FBXW7: variants seen among roughly 807,000 people sequenced by gnomAD.
The protein encoded by FBXW7 is F-box/WD repeat-containing protein 7.
A neutral mutation model predicts 86.3 loss-of-function variants in FBXW7; 11 were observed. The observed-to-expected ratio is 0.13, with a 90% CI of 0.08 to 0.21. The LOEUF is 0.21. FBXW7 is among the 10% of genes least tolerant of loss of function. The pLI is 1.00. For synonymous variants in FBXW7, 313 were observed against 297.9 expected (o/e 1.05, Z -0.52); for missense variants, 488 against 847.4 (o/e 0.58, Z 5.27).
At chr4:152,401,743 G>A (rs968243072) in intron 4 of FBXW7, among the ~76,000 whole-genome samples, 2 of 152,184 alleles carry the variant, frequency 1.3e-5, no homozygotes, top group African/African-American at 4.8e-5. Context: ...TACTACTCTG[G>A]TAAGGGTGAA....
intron 12 of FBXW7, 188 bp from the exon 13 acceptor site, chr4:152,324,582 T>C: frequency 1.8e-6 from 1 of 551,850 alleles, no homozygotes; most frequent in Non-Finnish European, 3.2e-6. Context: ...ATGTATGTTC[T>C]CACACACTTC....
At chr4:152,440,225 A>G (rs1298757060) in intron 2 of FBXW7, among the ~76,000 whole-genome samples, 1 of 152,200 alleles carries the variant, frequency 6.6e-6, no homozygotes, top group Non-Finnish European at 1.5e-5. Flanking sequence ...TAATTTTATA[A>G]TAATGCCACA....
At chr4:152,476,433 A>G (rs1744411900) in intron 2 of FBXW7, among the ~76,000 whole-genome samples, 1 of 152,178 alleles carries the variant, frequency 6.6e-6, no homozygotes. Context: ...AAAAGTTCCT[A>G]AGACAATTCA....
At chr4:152,505,174 AG>A (rs1747296861) in intron 2 of FBXW7, among the ~76,000 whole-genome samples, 1 of 152,218 alleles carries the variant, frequency 6.6e-6, no homozygotes, top group South Asian at 2.1e-4. Flanking sequence ...ATTAAAAATA[AG>A]GTATATAAAA....
chr4:152,533,995 C>T (rs1259912994), intron 2 of FBXW7, among the ~76,000 whole-genome samples: 1 of 152,166 alleles, frequency 6.6e-6, no homozygotes. Context: ...TGTCTTCTTA[C>T]ATAAAATTCT....
chr4:152,330,711 C>T lies in FBXW7; in HGVS notation c.1122+21G>A, dbSNP rs201829245. ...TAACACTGATTAACGGTTTCTGTTA[C>T]ATTGTGCAGAGTTCAGTTACCTTAG... is the stretch of plus-strand genomic sequence containing the variant. On this transcript the variant is annotated intron_variant, in intron 9 of 13. Coordinates refer to ENST00000281708, the MANE Select transcript of FBXW7 (RefSeq NM_001349798.2). 137 of 1,606,414 alleles carry T rather than the reference C, an allele frequency of 8.5e-5. 2 individuals carry two copies. The East Asian group carries it at 1.9e-3, about 23-fold the overall frequency.
chr4:152,439,993 A>C (rs1740743201), intron 2 of FBXW7, among the ~76,000 whole-genome samples: 1 of 152,194 alleles, frequency 6.6e-6, no homozygotes, highest in African/African-American at 2.4e-5. Flanking sequence ...ATTGCTACTA[A>C]ACACTTAAAA....
In FBXW7 at chr4:152,321,551, T is replaced by C. The variant is rs1225193800; in HGVS notation, c.*1330A>G. ...AGAATGAGGCAAACCATTTGACTGT[T>C]TCATTCATTTTGTTTGTTTGCATGT... On this transcript the variant is annotated 3_prime_UTR_variant, in exon 14 of 14. Transcript: ENST00000281708. 4.3e-6 allele frequency: 1 copy of C among 233,076 alleles called. No homozygotes were observed. The highest frequency in any genetic ancestry group is 8.5e-6 in the Non-Finnish European group (1 of 117,744). The allele number at this position is 233,076 out of a possible 1,614,324, so 14.4% of individuals were successfully genotyped here. A position where few individuals can be genotyped will look rare whatever the true frequency, so the allele number is the denominator to read the frequency against.
At chr4:152,359,411 G>C (rs1468052676) in intron 4 of FBXW7, among the ~76,000 whole-genome samples, 1 of 151,926 alleles carries the variant, frequency 6.6e-6, no homozygotes, top group Non-Finnish European at 1.5e-5. Flanking sequence ...GACCAGCCTG[G>C]GCAATATAGC....
intron 2 of FBXW7, among the ~76,000 whole-genome samples, chr4:152,517,756 C>T (rs1436037446): frequency 6.6e-6 from 1 of 152,098 alleles, no homozygotes; most frequent in Non-Finnish European, 1.5e-5. Context: ...ACTCAAATAC[C>T]GATATCGATA....
chr4:152,456,993 A>C (rs914052188), intron 2 of FBXW7, among the ~76,000 whole-genome samples: 1 of 152,356 alleles, frequency 6.6e-6, no homozygotes. Context: ...AATGGGCAAA[A>C]AATAAATTGT....
intron 6 of FBXW7, 138 bp downstream of exon 6, chr4:152,346,792 T>C (rs1731306692): frequency 8.3e-7 from 1 of 1,211,642 alleles, no homozygotes; most frequent in East Asian, 2.5e-5. Context: ...TCTGGCTTCT[T>C]TCACTTGGCA....
At chr4:152,411,090 CT>C in intron 4 of FBXW7, 1 of 829,354 alleles carries the variant, frequency 1.2e-6, no homozygotes. Context: ...GGCTCAATTA[CT>C]TTCCCTCCAT....
chr4:152,348,787 C>G (rs1731515556), intron 5 of FBXW7: 1 of 795,040 alleles, frequency 1.3e-6, no homozygotes. Flanking sequence ...TTTATCATGA[C>G]TAGAAGGGAA....
chr4:152,338,013 C>G (rs1418896627), intron 6 of FBXW7, 77 bp from the exon 7 acceptor site: 18 of 1,424,610 alleles, frequency 1.3e-5, no homozygotes, highest in Non-Finnish European at 1.6e-5. Flanking sequence ...AAACTCACAT[C>G]TACACACAAC....
intron 2 of FBXW7, among the ~76,000 whole-genome samples, chr4:152,524,491 T>C (rs746498003): frequency 9.2e-5 from 14 of 152,206 alleles, no homozygotes; most frequent in Non-Finnish European, 1.3e-4. Context: ...AAACCTTCAA[T>C]GGTTTAAAGA....
chr4:152,532,031 T>C (rs1334326114), intron 2 of FBXW7, among the ~76,000 whole-genome samples: 1 of 152,168 alleles, frequency 6.6e-6, no homozygotes, highest in Non-Finnish European at 1.5e-5. Context: ...ATTCAGATTT[T>C]CCCCCTAACT....
intron 4 of FBXW7, among the ~76,000 whole-genome samples, chr4:152,390,225 T>A (rs1735883416): frequency 6.6e-6 from 1 of 152,024 alleles, no homozygotes; most frequent in Admixed American, 6.6e-5. Context: ...TATTTGTGCC[T>A]AAGAACTTTA....
chr4:152,524,320 C>T (rs1344019740), intron 2 of FBXW7, among the ~76,000 whole-genome samples: 4 of 152,132 alleles, frequency 2.6e-5, no homozygotes, highest in Admixed American at 2.6e-4. Flanking sequence ...ATTATAAGCA[C>T]CCCTCTCAGA....
Sources: allele counts gnomAD v4.1 joint callset (sites outside exome capture counted in the v4.1 genomes callset), GRCh38; gene constraint gnomAD v4.1.1; transcripts MANE v1.5; gene names NCBI Gene and HGNC (gene_info 2026-07-23, HGNC 2026-07-21).